Variants in ABI2 observed in about 807,000 individuals in gnomAD.
ABI2 encodes the protein abl interactor 2.
ABI2 carries 25 observed loss-of-function variants against 59.2 expected under a neutral mutation model. The observed-to-expected ratio is 0.42, with a 90% CI of 0.31 to 0.59. The LOEUF is 0.59. ABI2 is among the 20% of genes least tolerant of loss of function. ABI2 has a pLI of 0.14. For synonymous variants in ABI2, 213 were observed against 235.5 expected, an observed-to-expected ratio of 0.90 and a Z score of 0.87; for missense variants, 545 against 681.8, an observed-to-expected ratio of 0.80 and a Z score of 2.23.
In ABI2 at chr2:203,385,331, CCGTG is replaced by C. The variant is rs2096453388; in HGVS notation, c.480+3126_480+3129del. On this transcript the variant is annotated intron_variant, in intron 4 of 11. Transcript: ENST00000261018. Reference sequence around the variant, plus strand: ...TATTTTTAGTAGAGACGGGGTTTCACCGTGTTAGCCAGGATGGTCTCGATCTCCT... The same window carrying C: ...TATTTTTAGTAGAGACGGGGTTTCACTTAGCCAGGATGGTCTCGATCTCCT... Among the ~76,000 whole-genome samples the C allele has an allele frequency of 2.0e-5, 3 of 151,220 alleles. No individual in the cohort carries two copies. In the South Asian group the frequency reaches 6.3e-4, roughly 32 times the overall value.
intron 4 of ABI2, among the ~76,000 whole-genome samples, chr2:203,385,908 A>C (rs1295025913): frequency 6.6e-6 from 1 of 151,890 alleles, no homozygotes; most frequent in Non-Finnish European, 1.5e-5. Flanking sequence ...ATGTTCCCTT[A>C]TTCTCTGTGT....
At chr2:203,376,696 C>T (rs1290273782) in intron 2 of ABI2, among the ~76,000 whole-genome samples, 1 of 134,042 alleles carries the variant, frequency 7.5e-6, no homozygotes, top group Non-Finnish European at 1.6e-5. Context: ...TTATTTTAGG[C>T]TTATTGTTAT....
rs1177764119 is a variant in ABI2, at chr2:203,394,787, T to G, written c.666T>G (p.Ala222=). Residue 222 remains alanine, a synonymous_variant, in exon 6 of 12, where the codon GCT becomes GCG. Transcript: ENST00000261018. ...DYVPSPTRNM[A]PSQQSPVRTA... is the part of the protein sequence containing the mutation. ...TACCTAGCCCAACCCGTAATATGGC[T>G]CCCTCGCAGCAGAGCCCTGTGAGGA... is the stretch of plus-strand genomic sequence containing the variant. 6.2e-7 allele frequency: 1 copy of G among 1,614,140 alleles called. No individual in the cohort carries two copies. The highest frequency in any genetic ancestry group is 2.2e-5 in the East Asian group (1 of 44,874).
chr2:203,418,231 G>A (rs1401721056), intron 11 of ABI2, among the ~76,000 whole-genome samples: 2 of 152,206 alleles, frequency 1.3e-5, no homozygotes, highest in East Asian at 1.9e-4. Context: ...ATATTTCCAC[G>A]TTTGATGAAA....
chr2:203,383,753 C>T (rs1346015675), intron 4 of ABI2, among the ~76,000 whole-genome samples: 1 of 152,162 alleles, frequency 6.6e-6, no homozygotes, highest in Non-Finnish European at 1.5e-5. Context: ...TTAGAAGTCT[C>T]CTGATGAGCA....
intron 10 of ABI2, among the ~76,000 whole-genome samples, chr2:203,414,101 CTTTT>C (rs539839995): frequency 1.5e-4 from 19 of 126,674 alleles, no homozygotes; most frequent in East Asian, 4.4e-4. Context: ...CTTGCATTGT[CTTTT>C]TTTTTTTTTT....
intron 10 of ABI2, among the ~76,000 whole-genome samples, chr2:203,413,865 G>A (rs1189731929): frequency 6.6e-6 from 1 of 151,050 alleles, no homozygotes; most frequent in Non-Finnish European, 1.5e-5. Context: ...TTTGGAAGAA[G>A]TCTGGAATAA....
chr2:203,351,780 C>G (rs955270537), intron 1 of ABI2: 4 of 270,312 alleles, frequency 1.5e-5, no homozygotes, highest in African/African-American at 2.3e-5. Context: ...AAGCAGTCCT[C>G]CCACTGTGGC....
At chr2:203,329,715 C>G (rs1322966115) in intron 1 of ABI2, among the ~76,000 whole-genome samples, 6 of 150,172 alleles carry the variant, frequency 4.0e-5, no homozygotes, top group African/African-American at 1.5e-4. Context: ...TTGCTCCCAC[C>G]TCCATCTCTC....
At chr2:203,347,068 TATTAA>T (rs2084101992) in intron 1 of ABI2, among the ~76,000 whole-genome samples, 1 of 152,270 alleles carries the variant, frequency 6.6e-6, no homozygotes, top group South Asian at 2.1e-4. Context: ...GAAACTAAGC[TATTAA>T]ATTATGATGA....
At chr2:203,338,983 A>AAATATATATAT (rs2078182989) in intron 1 of ABI2, among the ~76,000 whole-genome samples, 3 of 12,338 alleles carry the variant, frequency 2.4e-4, no homozygotes, top group African/African-American at 7.9e-4. Flanking sequence ...TATATATATA[A>AAATATATATAT]ATATATATAT....
intron 2 of ABI2, among the ~76,000 whole-genome samples, chr2:203,374,021 T>G (rs997788194): frequency 6.6e-6 from 1 of 151,710 alleles, no homozygotes; most frequent in Non-Finnish European, 1.5e-5. Flanking sequence ...TAGCCAGGTG[T>G]GGTGGTGCAC....
chr2:203,339,109 A>T (rs574465315), intron 1 of ABI2, among the ~76,000 whole-genome samples: 1 of 149,984 alleles, frequency 6.7e-6, no homozygotes, highest in Non-Finnish European at 1.5e-5. Flanking sequence ...TCCAACAGGT[A>T]TGTGAAAATG....
At chr2:203,358,635 A>G (rs978657991) in intron 1 of ABI2, among the ~76,000 whole-genome samples, 5 of 151,990 alleles carry the variant, frequency 3.3e-5, no homozygotes, top group South Asian at 2.1e-4. Context: ...TTTCTGTGAG[A>G]TATCCTTTCA....
intron 11 of ABI2, among the ~76,000 whole-genome samples, chr2:203,424,440 G>C (rs2098351594): frequency 6.6e-6 from 1 of 152,148 alleles, no homozygotes; most frequent in Admixed American, 6.5e-5. Context: ...TGTCACCTGG[G>C]CTGGAGTGCA....
At chr2:203,342,606 G>C (rs1324265724) in intron 1 of ABI2, among the ~76,000 whole-genome samples, 2 of 136,182 alleles carry the variant, frequency 1.5e-5, no homozygotes, top group Admixed American at 1.5e-4. Flanking sequence ...TTGAGACAAG[G>C]TCTCACTCTG....
At position 203,380,331 on chromosome 2, in the gene ABI2, A is replaced by C. The variant is rs774776788; in HGVS notation, c.409A>C (p.Ile137Leu). The change falls in exon 3 of 12, where the codon ATT (isoleucine) becomes CTT (leucine). Residue 137 changes from isoleucine to leucine, a missense_variant. This residue lies in a region of ABI2 where 410 missense variants were observed against 435.6 expected (regional missense o/e 0.94). Coordinates refer to ENST00000261018, the MANE Select transcript of ABI2 (RefSeq NM_001375670.1). ...PANLERPVRYIRKPIDYTILD... is the reference protein window; with the variant it reads ...PANLERPVRYLRKPIDYTILD... The stretch of plus-strand genomic sequence containing the variant: ...CAACCTTGAACGACCAGTTCGTTAT[A>C]TTAGAAAACCTATTGACTATACAAT... 6.2e-7 allele frequency: 1 copy of C among 1,606,400 alleles called. No individual in the cohort carries two copies. Among genetic ancestry groups the C allele is most frequent in the Non-Finnish European group, 8.5e-7 (1 of 1,177,326 alleles).
intron 3 of ABI2, among the ~76,000 whole-genome samples, 189 bp downstream of exon 3, chr2:203,380,573 G>A (rs1428570544): frequency 6.6e-6 from 1 of 152,008 alleles, no homozygotes; most frequent in African/African-American, 2.4e-5. Context: ...GTATTCTCAA[G>A]TTTTAAACAG....
chr2:203,368,713 G>A (rs1294336433), intron 2 of ABI2, among the ~76,000 whole-genome samples: 2 of 151,580 alleles, frequency 1.3e-5, no homozygotes, highest in African/African-American at 4.8e-5. Flanking sequence ...TGTATCTTAA[G>A]TTAAAAAAAA....
Sources: allele counts gnomAD v4.1 joint callset (sites outside exome capture counted in the v4.1 genomes callset), GRCh38; gene constraint gnomAD v4.1.1; regional missense constraint gnomAD v4.1.1; transcripts MANE v1.5; gene names NCBI Gene and HGNC (gene_info 2026-07-23, HGNC 2026-07-21).